SLC8A1: variants seen among roughly 807,000 people sequenced by gnomAD.
SLC8A1 encodes solute carrier family 8 member A1, also known as sodium/calcium exchanger 1.
In SLC8A1, 18 loss-of-function variants were observed where a neutral mutation model predicts 68.3. The observed-to-expected ratio is 0.26, with a 90% confidence interval of 0.18 to 0.39. The LOEUF is 0.39. Ranked by LOEUF, SLC8A1 falls within the 10% of genes least tolerant of loss-of-function variation. The pLI, the probability that SLC8A1 is intolerant of heterozygous loss-of-function variation, is 1.00. For missense variants in SLC8A1, 985 were observed against 1,156.7 expected, an observed-to-expected ratio of 0.85 and a Z score of 2.15; for synonymous variants, 475 against 415.5, an observed-to-expected ratio of 1.14 and a Z score of -1.74.
chr2:40,382,550 G>A (rs761108890), intron 2 of SLC8A1, among the ~76,000 whole-genome samples: 2 of 152,010 alleles, frequency 1.3e-5, no homozygotes, highest in South Asian at 2.1e-4. Flanking sequence ...TAAACACTCC[G>A]TAAAGACTAG....
At chr2:40,133,984 G>A (rs2039981616) in intron 7 of SLC8A1, among the ~76,000 whole-genome samples, 1 of 151,966 alleles carries the variant, frequency 6.6e-6, no homozygotes, top group African/African-American at 2.4e-5. Flanking sequence ...TTTTGAACCT[G>A]TTTTTCCATA....
chr2:40,301,736 T>C (rs2071500086), intron 2 of SLC8A1, among the ~76,000 whole-genome samples: 1 of 152,110 alleles, frequency 6.6e-6, no homozygotes, highest in African/African-American at 2.4e-5. Context: ...ATCCATAAAA[T>C]TCTTTTTTAA....
intron 1 of SLC8A1, among the ~76,000 whole-genome samples, chr2:40,458,419 C>T (rs987221092): frequency 6.6e-6 from 1 of 152,028 alleles, no homozygotes; most frequent in East Asian, 1.9e-4. Flanking sequence ...GTGCATGGGA[C>T]ATGAATTAGT....
intron 6 of SLC8A1, among the ~76,000 whole-genome samples, chr2:40,144,470 G>A (rs1169439055): frequency 1.3e-5 from 2 of 152,116 alleles, no homozygotes; most frequent in African/African-American, 2.4e-5. Context: ...TATAGAAAAT[G>A]CCTTATGGAA....
At chr2:40,475,876 T>C (rs1479963013) in intron 1 of SLC8A1, among the ~76,000 whole-genome samples, 1 of 151,994 alleles carries the variant, frequency 6.6e-6, no homozygotes, top group African/African-American at 2.4e-5. Flanking sequence ...TCAGTACTAT[T>C]TTCCCCCAAA....
chr2:40,327,531 AAATG>A (rs2075963950), intron 2 of SLC8A1, among the ~76,000 whole-genome samples: 1 of 152,210 alleles, frequency 6.6e-6, no homozygotes, highest in Non-Finnish European at 1.5e-5. Context: ...TGTGAGGCAC[AAATG>A]AATGAGTTTA....
At chr2:40,395,371 A>G (rs1576065150) in intron 2 of SLC8A1, among the ~76,000 whole-genome samples, 1 of 152,088 alleles carries the variant, frequency 6.6e-6, no homozygotes, top group Non-Finnish European at 1.5e-5. Context: ...AAACATACCT[A>G]TCTAGAACTG....
intron 2 of SLC8A1, among the ~76,000 whole-genome samples, chr2:40,215,196 C>G (rs995210668): frequency 1.3e-5 from 2 of 152,008 alleles, no homozygotes; most frequent in Admixed American, 1.3e-4. Flanking sequence ...GAGATAGGAT[C>G]TTACTCTGTC....
At chr2:40,347,445 G>A (rs995391145) in intron 2 of SLC8A1, among the ~76,000 whole-genome samples, 1 of 152,234 alleles carries the variant, frequency 6.6e-6, no homozygotes, top group Non-Finnish European at 1.5e-5. Flanking sequence ...CCAGGCTTCA[G>A]AGCCAGACAG....
At chr2:40,209,487 G>T (rs959713947) in intron 2 of SLC8A1, among the ~76,000 whole-genome samples, 1 of 152,080 alleles carries the variant, frequency 6.6e-6, no homozygotes, top group Admixed American at 6.6e-5. Flanking sequence ...ACTCTTGAAA[G>T]GACTTCTGAG....
At position 40,387,067 on chromosome 2, in the gene SLC8A1, C is replaced by T. The variant is rs1169665788; in HGVS notation, c.1808+41406G>A. On this transcript the variant is annotated intron_variant, in intron 2 of 7. Coordinates refer to ENST00000406785, the Ensembl canonical transcript of SLC8A1. ...TGAGCATAACAACCTTTATGAAGAT[C>T]CAAAGAATGAATGATTCATTGGAAA... 1.3e-5 allele frequency among the ~76,000 whole-genome samples: 2 copies of T among 151,372 alleles called. 1 individual carries two copies. Among genetic ancestry groups the T allele is most frequent in the African/African-American group, 4.9e-5 (2 of 40,754 alleles).
chr2:40,424,818 G>A (rs1696432832), intron 2 of SLC8A1, among the ~76,000 whole-genome samples: 1 of 151,666 alleles, frequency 6.6e-6, no homozygotes, highest in Non-Finnish European at 1.5e-5. Flanking sequence ...CTATTGCTGG[G>A]CTATAACTAA....
chr2:40,262,061 C>G (rs1227512862), intron 2 of SLC8A1, among the ~76,000 whole-genome samples: 2 of 151,468 alleles, frequency 1.3e-5, no homozygotes, highest in African/African-American at 4.9e-5. Flanking sequence ...CTCCTGGGTT[C>G]AAGCAATTCT....
At chr2:40,319,810 C>T (rs539096583) in intron 2 of SLC8A1, among the ~76,000 whole-genome samples, 1 of 152,202 alleles carries the variant, frequency 6.6e-6, no homozygotes, top group African/African-American at 2.4e-5. Context: ...AATTATTCTT[C>T]CACTTTCTTA....
chr2:40,112,224 C>T (rs1314242750), exon 8 of SLC8A1: 2 of 152,546 alleles, frequency 1.3e-5, no homozygotes, highest in Non-Finnish European at 2.9e-5. Flanking sequence ...GAAAACATTT[C>T]ATACAGAATA....
chr2:40,304,511 T>C (rs1575219864), intron 2 of SLC8A1, among the ~76,000 whole-genome samples: 2 of 152,134 alleles, frequency 1.3e-5, no homozygotes, highest in Non-Finnish European at 2.9e-5. Context: ...CTGTAGCCAG[T>C]CTGGGCTGCT....
At chr2:40,153,846 T>G (rs1366174114) in intron 6 of SLC8A1, among the ~76,000 whole-genome samples, 2 of 152,218 alleles carry the variant, frequency 1.3e-5, no homozygotes, top group African/African-American at 4.8e-5. Flanking sequence ...CTAGGACTGA[T>G]TCTATTCTTC....
intron 1 of SLC8A1, among the ~76,000 whole-genome samples, chr2:40,471,987 G>A (rs80046717): frequency 6.6e-6 from 1 of 152,284 alleles, no homozygotes; most frequent in East Asian, 1.9e-4. Flanking sequence ...CTTCCTGCTT[G>A]TGAAAGGAGG....
intron 2 of SLC8A1, among the ~76,000 whole-genome samples, chr2:40,277,239 T>TTTTA (rs2066828089): frequency 6.6e-6 from 1 of 152,146 alleles, no homozygotes; most frequent in East Asian, 1.9e-4. Flanking sequence ...GTTTTTTTTT[T>TTTTA]ATTTTTAAAA....
Sources: gnomAD v4.1 joint callset for allele counts (sites outside exome capture counted in the v4.1 genomes callset) on GRCh38, gnomAD v4.1.1 for gene constraint, MANE v1.5 for transcripts, NCBI Gene and HGNC (gene_info 2026-07-23, HGNC 2026-07-21) for gene names.